The following ADAD1 variants were observed in gnomAD, a reference collection of about 807,000 sequenced individuals.
ADAD1 encodes adenosine deaminase domain-containing protein 1.
A neutral mutation model predicts 66.8 loss-of-function variants in ADAD1; 46 were observed. The observed-to-expected ratio is 0.69, with a 90% CI of 0.54 to 0.88. ADAD1 has a LOEUF of 0.88. ADAD1 is among the 40% of genes least tolerant of loss of function. The pLI, the probability that ADAD1 is intolerant of heterozygous loss-of-function variation, is 0.00. For missense variants in ADAD1, 617 were observed against 681.8 expected, an observed-to-expected ratio of 0.91 and a Z score of 1.06; for synonymous variants, 248 against 229.4, an observed-to-expected ratio of 1.08 and a Z score of -0.73.
At chr4:122,389,938 G>C (rs1580746177) in intron 5 of ADAD1, among the ~76,000 whole-genome samples, 1 of 152,296 alleles carries the variant, frequency 6.6e-6, no homozygotes, top group South Asian at 2.1e-4. Context: ...TGATGCACTA[G>C]TTTATTCATA....
chr4:122,411,163 C>T, intron 8 of ADAD1, 59 bp from the exon 9 acceptor site: 1 of 1,338,774 alleles, frequency 7.5e-7, no homozygotes, highest in Non-Finnish European at 1.0e-6. Context: ...ACATGATGCT[C>T]ATTAAGATAT....
chr4:122,424,513 A>C (rs920808175), intron 12 of ADAD1, among the ~76,000 whole-genome samples: 2 of 152,186 alleles, frequency 1.3e-5, no homozygotes, highest in Non-Finnish European at 2.9e-5. Context: ...TATGAATCTG[A>C]AATCAAATAT....
At chr4:122,401,998 C>G (rs189358633) in intron 7 of ADAD1, among the ~76,000 whole-genome samples, 72 of 151,606 alleles carry the variant, frequency 4.7e-4, no homozygotes, top group Non-Finnish European at 9.1e-4. Context: ...CAACATTAGT[C>G]TTGAGATATA....
chr4:122,379,934 G>C (rs1794800686), intron 2 of ADAD1, 128 bp from the exon 3 acceptor site: 15 of 886,366 alleles, frequency 1.7e-5, no homozygotes, highest in Non-Finnish European at 2.4e-5. Flanking sequence ...AGAGGGATTT[G>C]ACTCTAGTCA....
intron 7 of ADAD1, among the ~76,000 whole-genome samples, chr4:122,402,204 C>A (rs1334358271): frequency 6.6e-6 from 1 of 152,082 alleles, no homozygotes; most frequent in African/African-American, 2.4e-5. Flanking sequence ...GTGGTGAATT[C>A]TCTTAGCATT....
rs762027340 is a variant in ADAD1 at position 122,381,012 on chromosome 4, C to T, written c.193C>T (p.Leu65Phe). Residue 65 changes from leucine to phenylalanine, a missense_variant, in exon 4 of 13, where the codon CTT (leucine) becomes TTT (phenylalanine). By Grantham distance (22) the Leu-to-Phe change is conservative. Transcript: ENST00000296513. ...QVTGNFPEPL[L>F]SKNLSSISNP... ...TTTAGGTAATTTTCCAGAGCCGTTG[C>T]TTTCCAAGAATCTTTCATCTATTTC... 6 of 1,593,946 alleles carry T rather than the reference C, an allele frequency of 3.8e-6. No homozygotes were observed. The highest frequency in any genetic ancestry group is 5.1e-6 in the Non-Finnish European group (6 of 1,175,558).
intron 7 of ADAD1, among the ~76,000 whole-genome samples, chr4:122,400,902 T>A (rs1342346109): frequency 6.6e-6 from 1 of 152,156 alleles, no homozygotes; most frequent in Admixed American, 6.6e-5. Context: ...TCTTGGTTAA[T>A]CTCACTACTG....
intron 5 of ADAD1, among the ~76,000 whole-genome samples, chr4:122,388,341 G>T (rs1159495558): frequency 6.6e-6 from 1 of 152,060 alleles, no homozygotes; most frequent in Non-Finnish European, 1.5e-5. Flanking sequence ...TTTTTGTTGT[G>T]TCTTTTCCTG....
intron 6 of ADAD1, among the ~76,000 whole-genome samples, chr4:122,394,150 ATTATC>A (rs1434036403): frequency 7.2e-5 from 11 of 152,164 alleles, no homozygotes; most frequent in African/African-American, 2.7e-4. Context: ...CATTACGGTA[ATTATC>A]TTATAGGGTT....
rs570408145 is a variant in ADAD1, at chr4:122,408,044, A to T, written c.848+13A>T. The T allele has an allele frequency of 1.9e-6, 3 of 1,607,818 alleles. No individual in the cohort carries two copies. The highest frequency in any genetic ancestry group is 2.5e-6 in the Non-Finnish European group (3 of 1,176,946). On this transcript the variant is annotated intron_variant, in intron 8 of 12. Coordinates refer to ENST00000296513, the MANE Select transcript of ADAD1 (RefSeq NM_139243.4). ...GGTCTCTTCTTAGGTAAGACAATAC[A>T]TATATTAATGTTATTAAATATGAAT...
chr4:122,390,674 A>T (rs1393546723), intron 5 of ADAD1, among the ~76,000 whole-genome samples: 1 of 152,108 alleles, frequency 6.6e-6, no homozygotes, highest in African/African-American at 2.4e-5. Flanking sequence ...TGCTTCACAA[A>T]GTTCTCATGC....
intron 7 of ADAD1, among the ~76,000 whole-genome samples, chr4:122,398,216 C>T (rs1161702723): frequency 6.6e-6 from 1 of 151,920 alleles, no homozygotes; most frequent in Admixed American, 6.6e-5. Flanking sequence ...TGGCTTAGCT[C>T]CCACTTGTAA....
chr4:122,382,443 A>C lies in ADAD1; in HGVS notation c.361+1263A>C, dbSNP rs938135980. On this transcript the variant is annotated intron_variant, in intron 4 of 12. Coordinates refer to ENST00000296513, the MANE Select transcript of ADAD1 (RefSeq NM_139243.4). Reference sequence around the variant, plus strand: ...TTCTGACACAGAAGACTTACTAATAAATTTTAGGTAAAATATCTTTTTTTT... The same window carrying C: ...TTCTGACACAGAAGACTTACTAATACATTTTAGGTAAAATATCTTTTTTTT... Among the ~76,000 whole-genome samples the C allele has an allele frequency of 6.6e-5, 10 of 152,218 alleles. No homozygotes were observed. In the East Asian group the frequency reaches 1.7e-3, roughly 26 times the overall value.
At chr4:122,398,708 T>A (rs959919698) in intron 7 of ADAD1, among the ~76,000 whole-genome samples, 2 of 152,182 alleles carry the variant, frequency 1.3e-5, no homozygotes, top group African/African-American at 2.4e-5. Context: ...TGGTTTTGAT[T>A]TGCATTTCCC....
At chr4:122,409,620 T>C (rs1017180462) in intron 8 of ADAD1, among the ~76,000 whole-genome samples, 3 of 152,226 alleles carry the variant, frequency 2.0e-5, no homozygotes, top group African/African-American at 7.2e-5. Context: ...CTAGATCTTA[T>C]TCATTTTGGT....
rs187794919 is a variant in ADAD1 at position 122,391,677 on chromosome 4, G to A, written c.530-1912G>A. 1.8e-3 allele frequency among the ~76,000 whole-genome samples: 273 copies of A among 152,300 alleles called. 1 individual carries two copies. The highest frequency in any genetic ancestry group is 2.9e-3 in the Non-Finnish European group (199 of 68,014). On this transcript the variant is annotated intron_variant, in intron 5 of 12. Transcript: ENST00000296513. ...CACAGCCGGTATGTTGGGCTGTGGG[G>A]ATAAGTCTTGGGACTTGTCTTTTTT...
intron 11 of ADAD1, among the ~76,000 whole-genome samples, chr4:122,418,306 CTTTTT>C (rs10527795): frequency 2.1e-5 from 2 of 94,638 alleles, no homozygotes; most frequent in Non-Finnish European, 4.5e-5. Context: ...ACGTTATTTT[CTTTTT>C]TTTTTTTTTT....
At chr4:122,408,959 G>A (rs2150576421) in intron 8 of ADAD1, among the ~76,000 whole-genome samples, 1 of 152,168 alleles carries the variant, frequency 6.6e-6, no homozygotes, top group Admixed American at 6.5e-5. Flanking sequence ...TTACTGGAAA[G>A]TGTAGCTTTT....
chr4:122,397,181 G>A lies in ADAD1; in HGVS notation c.724+804G>A, dbSNP rs191844534. On this transcript the variant is annotated intron_variant, in intron 7 of 12. Coordinates refer to ENST00000296513, the MANE Select transcript of ADAD1 (RefSeq NM_139243.4). ...TTATTGCTAGCACAGATTAGTCTGTGTACAGGAGTAATACAAAATGCAGTT... is the reference window on the plus strand; with the variant it reads ...TTATTGCTAGCACAGATTAGTCTGTATACAGGAGTAATACAAAATGCAGTT... Among the ~76,000 whole-genome samples the A allele has an allele frequency of 1.1e-4, 17 of 152,254 alleles. No individual in the cohort carries two copies. In the East Asian group the frequency reaches 2.9e-3, roughly 26 times the overall value.
Sources: allele counts gnomAD v4.1 joint callset (sites outside exome capture counted in the v4.1 genomes callset), GRCh38; gene constraint gnomAD v4.1.1; transcripts MANE v1.5; gene names NCBI Gene and HGNC (gene_info 2026-07-23, HGNC 2026-07-21).